MAST4: variants seen among roughly 807,000 people sequenced by gnomAD.
MAST4 encodes the protein microtubule-associated serine/threonine-protein kinase 4.
Under a neutral mutation model 162.7 loss-of-function variants are expected in MAST4, and 89 were observed. That is an observed-to-expected ratio of 0.55 (90% CI 0.46 to 0.65). MAST4 has a LOEUF of 0.65. MAST4 is among the 30% of genes least tolerant of loss of function. The pLI is 0.00. For synonymous variants in MAST4, 1,479 were observed against 1,361.1 expected (o/e 1.09, Z -1.91); for missense variants, 3,153 against 3,374.0 (o/e 0.93, Z 1.62).
At position 66,663,685 on chromosome 5, in the gene MAST4, A is replaced by C. The variant is rs201826015; in HGVS notation, c.363+66667A>C. On this transcript the variant is annotated intron_variant, in intron 1 of 28. Transcript: ENST00000403625. ...CCACTGTAGCTGGAATAGAGTGGGCAAGGGACATTATCAGAGAGATAATGG... is the reference window on the plus strand; with the variant it reads ...CCACTGTAGCTGGAATAGAGTGGGCCAGGGACATTATCAGAGAGATAATGG... Among the ~76,000 whole-genome samples the C allele has an allele frequency of 2.6e-5, 4 of 152,200 alleles. No homozygotes were observed. In the East Asian group the frequency reaches 7.7e-4, roughly 29 times the overall value.
rs756182168 is a variant in MAST4, at chr5:67,166,848, G to A, written c.7669G>A (p.Val2557Ile). The change falls in exon 29 of 29, where the codon GTA (valine) becomes ATA (isoleucine). Residue 2557 changes from valine to isoleucine, a missense_variant. Transcript: ENST00000403625. Reference sequence around the variant, plus strand: ...CAGGGCTCTCTCGGTGACTGCCACCGTAGGGGAAACCAAAGGGAAGGACCC... The same window carrying A: ...CAGGGCTCTCTCGGTGACTGCCACCATAGGGGAAACCAAAGGGAAGGACCC... ...RDRALSVTAT[V>I]GETKGKDPAP... 2.5e-6 allele frequency: 4 copies of A among 1,605,126 alleles called. No homozygotes were observed. The highest frequency in any genetic ancestry group is 1.1e-5 in the South Asian group (1 of 89,348).
chr5:66,823,952 AATC>A (rs1757116058), intron 3 of MAST4, among the ~76,000 whole-genome samples: 1 of 152,210 alleles, frequency 6.6e-6, no homozygotes, highest in Non-Finnish European at 1.5e-5. Context: ...TATTTTCATG[AATC>A]ATCTGTTTCT....
intron 4 of MAST4, among the ~76,000 whole-genome samples, chr5:66,929,646 TAC>T (rs1374634734): frequency 1.3e-5 from 2 of 152,202 alleles, no homozygotes; most frequent in Admixed American, 6.5e-5. Context: ...CACAGCTAGA[TAC>T]AGTTATGTTA....
At chr5:66,954,023 C>A (rs753892873) in intron 4 of MAST4, among the ~76,000 whole-genome samples, 2 of 152,122 alleles carry the variant, frequency 1.3e-5, no homozygotes, top group Non-Finnish European at 2.9e-5. Flanking sequence ...TTTGTTTAAA[C>A]CCCATATTTC....
chr5:66,651,202 C>T (rs867211945), intron 1 of MAST4, among the ~76,000 whole-genome samples: 1 of 150,988 alleles, frequency 6.6e-6, no homozygotes, highest in Non-Finnish European at 1.5e-5. Flanking sequence ...GAAAAAAGTA[C>T]GTCTCATACA....
At chr5:67,049,043 G>GTA (rs1491152523) in intron 4 of MAST4, among the ~76,000 whole-genome samples, 36 of 54,074 alleles carry the variant, frequency 6.7e-4, no homozygotes, top group African/African-American at 3.1e-3. Flanking sequence ...ATATATATAC[G>GTA]TGTATATATA....
Position 66,596,444 on chromosome 5 carries a change from G to C in MAST4, c.-212G>C. 2.1e-6 allele frequency: 1 copy of C among 486,364 alleles called. No homozygotes were observed. The highest frequency in any genetic ancestry group is 3.3e-6 in the Non-Finnish European group (1 of 306,414). The allele number at this position is 486,364 out of a possible 1,614,324, so 30.1% of individuals were successfully genotyped here. A position where few individuals can be genotyped will look rare whatever the true frequency, so the allele number is the denominator to read the frequency against. ...AGCGGGCATGTCCCCGCGCGCGGGA[G>C]CCTCCGTTTGCGGCCGGGCCCGGGC... On this transcript the variant is annotated 5_prime_UTR_variant, in exon 1 of 29. Transcript: ENST00000403625.
At chr5:67,091,088 T>A (rs1442656637) in intron 6 of MAST4, among the ~76,000 whole-genome samples, 1 of 152,120 alleles carries the variant, frequency 6.6e-6, no homozygotes, top group Non-Finnish European at 1.5e-5. Context: ...AACTATATCC[T>A]AAAGTGGATT....
intron 1 of MAST4, among the ~76,000 whole-genome samples, chr5:66,645,416 G>A (rs547860103): frequency 2.6e-4 from 40 of 152,320 alleles, no homozygotes; most frequent in Non-Finnish European, 5.4e-4. Context: ...TTCTCAGAAT[G>A]AAGTGCAAAG....
chr5:66,953,219 A>G (rs905592381), intron 4 of MAST4, among the ~76,000 whole-genome samples: 1 of 152,172 alleles, frequency 6.6e-6, no homozygotes, highest in Non-Finnish European at 1.5e-5. Context: ...CGATTGCCCT[A>G]AGATTTTGTG....
intron 4 of MAST4, among the ~76,000 whole-genome samples, chr5:66,939,747 G>GTT (rs1162292177): frequency 5.4e-4 from 78 of 144,024 alleles, no homozygotes; most frequent in African/African-American, 1.9e-3. Context: ...CTGGGTTTTT[G>GTT]TTTTTTTTTT....
At chr5:67,062,484 T>C (rs1464110179) in intron 5 of MAST4, among the ~76,000 whole-genome samples, 2 of 152,220 alleles carry the variant, frequency 1.3e-5, no homozygotes, top group African/African-American at 4.8e-5. Flanking sequence ...TCAAAAGCCT[T>C]CAGCAGATTT....
Position 66,758,983 on chromosome 5 carries a change from G to C in MAST4, c.364-726G>C, listed in dbSNP as rs527858169. Among the ~76,000 whole-genome samples the C allele has an allele frequency of 1.4e-3, 206 of 152,302 alleles. 1 individual carries two copies. The highest frequency in any genetic ancestry group is 4.9e-3 in the African/African-American group (202 of 41,564). ...GATGGTATGGCTCTATTAAGTATGA[G>C]AGGCTTTCTTACAAAAACAGGCAGA... On this transcript the variant is annotated intron_variant, in intron 1 of 28. Coordinates refer to ENST00000403625, the MANE Select transcript of MAST4 (RefSeq NM_001164664.2).
intron 4 of MAST4, among the ~76,000 whole-genome samples, chr5:66,919,875 G>A (rs1376138962): frequency 6.7e-5 from 10 of 150,364 alleles, no homozygotes; most frequent in East Asian, 3.9e-4. Flanking sequence ...GAACTCTTTC[G>A]CTCTCTTTCT....
intron 12 of MAST4, among the ~76,000 whole-genome samples, chr5:67,116,772 C>T (rs947125668): frequency 6.6e-6 from 1 of 151,992 alleles, no homozygotes; most frequent in African/African-American, 2.4e-5. Flanking sequence ...GCCGAGATGG[C>T]GCCATTGCAC....
chr5:67,036,843 CTT>C (rs1490557016), intron 4 of MAST4, among the ~76,000 whole-genome samples: 1 of 152,102 alleles, frequency 6.6e-6, no homozygotes, highest in Non-Finnish European at 1.5e-5. Flanking sequence ...TATATTTTCT[CTT>C]ATGTCTTTGT....
intron 3 of MAST4, among the ~76,000 whole-genome samples, chr5:66,837,888 ATATATATTTTTTTTTTTTTT>A (rs1416544378): frequency 4.2e-3 from 147 of 34,934 alleles, no homozygotes; most frequent in Non-Finnish European, 5.5e-3. Flanking sequence ...ATATATATAT[ATATATATTTTTTTTTTTTTT>A]TTTTTTTTTA....
intron 3 of MAST4, among the ~76,000 whole-genome samples, chr5:66,891,553 C>A (rs561134479): frequency 2.0e-5 from 3 of 152,288 alleles, no homozygotes; most frequent in Admixed American, 6.5e-5. Flanking sequence ...AAGGCAGCCA[C>A]TTCCAAAACC....
At chr5:66,923,205 T>C (rs56718273) in intron 4 of MAST4, among the ~76,000 whole-genome samples, 24,358 of 152,154 alleles carry the variant, frequency 0.16, 2,268 homozygotes, top group Admixed American at 0.22. Context: ...TTTTTCATAG[T>C]CCTTGTATTA....
Sources: allele counts gnomAD v4.1 joint callset (sites outside exome capture counted in the v4.1 genomes callset), GRCh38; gene constraint gnomAD v4.1.1; transcripts MANE v1.5; gene names NCBI Gene and HGNC (gene_info 2026-07-23, HGNC 2026-07-21).